The following ABLIM2 variants were observed in gnomAD, a reference collection of about 807,000 sequenced individuals.
ABLIM2 encodes actin binding LIM protein family member 2, also known as actin-binding LIM protein 2.
Under a neutral mutation model 97.7 loss-of-function variants are expected in ABLIM2, and 53 were observed. The observed-to-expected ratio is 0.54, with a 90% CI of 0.44 to 0.68. ABLIM2 has a LOEUF of 0.68. ABLIM2 is among the 30% of genes least tolerant of loss of function. ABLIM2 has a pLI of 0.00. For synonymous variants in ABLIM2, 361 were observed against 345.8 expected (o/e 1.04, Z -0.49); for missense variants, 835 against 867.2 (o/e 0.96, Z 0.47).
intron 4 of ABLIM2, among the ~76,000 whole-genome samples, chr4:8,084,895 T>C (rs1293858251): frequency 5.3e-5 from 8 of 152,214 alleles, no homozygotes; most frequent in Non-Finnish European, 1.2e-4. Context: ...GAGCTGCCTC[T>C]GGTTCGGCAC....
intron 2 of ABLIM2, among the ~76,000 whole-genome samples, chr4:8,098,812 T>G (rs1401945901): frequency 6.6e-6 from 1 of 152,224 alleles, no homozygotes; most frequent in East Asian, 1.9e-4. Flanking sequence ...ATGTGAGACC[T>G]GAGTCCTGCC....
At chr4:8,020,460 T>C (rs925770506) in intron 12 of ABLIM2, 157 bp from the exon 13 acceptor site, 8 of 728,756 alleles carry the variant, frequency 1.1e-5, no homozygotes, top group Admixed American at 4.0e-5. Flanking sequence ...GTGGGCCTCA[T>C]CCACGTTCCC....
chr4:8,001,478 G>A lies in ABLIM2; in HGVS notation c.1618+6581C>T, dbSNP rs1339440184. Reference sequence around the variant, plus strand: ...CAGAGCCCAGCATGCTCTGCCTGGGGCCACTGTCCTCGGGGTGGTGTATAC... The same window carrying A: ...CAGAGCCCAGCATGCTCTGCCTGGGACCACTGTCCTCGGGGTGGTGTATAC... On this transcript the variant is annotated intron_variant, in intron 16 of 20. Coordinates refer to ENST00000447017, the MANE Select transcript of ABLIM2 (RefSeq NM_001130083.2). The surrounding 1 kb of genome is among the most constrained non-coding windows in gnomAD (Gnocchi z 4.2). Among the ~76,000 whole-genome samples the A allele has an allele frequency of 6.6e-6, 1 of 152,118 alleles. No individual in the cohort carries two copies. The highest frequency in any genetic ancestry group is 1.5e-5 in the Non-Finnish European group (1 of 68,006).
In ABLIM2 at chr4:8,104,423, C is replaced by A. The variant is rs572252118; in HGVS notation, c.154+2071G>T. Among the ~76,000 whole-genome samples the A allele has an allele frequency of 4.3e-4, 65 of 152,316 alleles. 1 individual carries two copies. The highest frequency in any genetic ancestry group is 6.8e-3 in the Middle Eastern group (2 of 294). On this transcript the variant is annotated intron_variant, in intron 2 of 20. Transcript: ENST00000447017. ...CAGTGGTATTGGGGTACCTGGGATG[C>A]CAGGGTGCTATGGGGAGAATTCACT...
At position 8,032,655 on chromosome 4, in the gene ABLIM2, G is replaced by A. The variant is rs1314998419; in HGVS notation, c.1048-2879C>T. The stretch of plus-strand genomic sequence containing the variant: ...CGAGAGGGTGGTGGTTACCTCGGTC[G>A]GCGTTGGCGAGAGCAACTGAGGGGA... On this transcript the variant is annotated intron_variant, in intron 10 of 20. Transcript: ENST00000447017. The surrounding 1 kb of genome is among the most constrained non-coding windows in gnomAD (Gnocchi z 4.3). 11 of 1,612,556 alleles carry A rather than the reference G, an allele frequency of 6.8e-6. No homozygotes were observed. Among genetic ancestry groups the A allele is most frequent in the Middle Eastern group, 1.7e-4 (1 of 6,058 alleles).
intron 18 of ABLIM2, 111 bp downstream of exon 18, chr4:7,984,719 GCCCGGCACT>G: frequency 8.9e-7 from 1 of 1,128,308 alleles, no homozygotes. Flanking sequence ...AGGTGTCCCC[GCCCGGCACT>G]CCCGGAGCCT....
intron 13 of ABLIM2, 108 bp downstream of exon 13, chr4:8,020,094 G>T: frequency 1.0e-6 from 1 of 984,554 alleles, no homozygotes; most frequent in Non-Finnish European, 1.5e-6. Flanking sequence ...AGCCTGGAGT[G>T]TCGTCTGGCG....
At chr4:8,121,386 C>T (rs763057656) in intron 1 of ABLIM2, among the ~76,000 whole-genome samples, 6 of 152,250 alleles carry the variant, frequency 3.9e-5, no homozygotes, top group Non-Finnish European at 8.8e-5. Context: ...GTCGCTGGCC[C>T]AGGCGCCCCC....
intron 11 of ABLIM2, among the ~76,000 whole-genome samples, chr4:8,029,203 A>G (rs1237132288): frequency 6.6e-6 from 1 of 152,182 alleles, no homozygotes; most frequent in African/African-American, 2.4e-5. Flanking sequence ...CCACAGGTGA[A>G]ATGTTAATGG....
chr4:8,134,280 T>G (rs1849861717), intron 1 of ABLIM2, among the ~76,000 whole-genome samples: 1 of 152,024 alleles, frequency 6.6e-6, no homozygotes, highest in Non-Finnish European at 1.5e-5. Flanking sequence ...AGAGATGCAG[T>G]GAGAAAATCC....
At position 8,085,330 on chromosome 4, in the gene ABLIM2, C is replaced by T. The variant is rs558649627; in HGVS notation, c.454+2839G>A. ...TCTGGACTGACTTGACTCTACCCCA[C>T]TCCACAACCATCTATTGCTCCTCAC... On this transcript the variant is annotated intron_variant, in intron 4 of 20. Coordinates refer to ENST00000447017, the MANE Select transcript of ABLIM2 (RefSeq NM_001130083.2). This position sits in a 1 kb window ranked among gnomAD's most constrained non-coding sequence, Gnocchi z 6.1. Among the ~76,000 whole-genome samples the T allele has an allele frequency of 6.6e-6, 1 of 152,212 alleles. No homozygotes were observed. Among genetic ancestry groups the T allele is most frequent in the African/African-American group, 2.4e-5 (1 of 41,466 alleles).
chr4:8,110,810 CAT>C (rs1839967975), intron 1 of ABLIM2, among the ~76,000 whole-genome samples: 1 of 152,224 alleles, frequency 6.6e-6, no homozygotes, highest in Admixed American at 6.5e-5. Context: ...GGGAGATAGA[CAT>C]TGCGCCGTGG....
intron 20 of ABLIM2, among the ~76,000 whole-genome samples, chr4:7,979,071 T>G (rs1278852063): frequency 6.6e-6 from 1 of 152,258 alleles, no homozygotes; most frequent in Non-Finnish European, 1.5e-5. Flanking sequence ...TGGACCCACA[T>G]GCCAGCTTCC....
intron 3 of ABLIM2, among the ~76,000 whole-genome samples, chr4:8,089,388 A>T (rs1313432688): frequency 2.0e-5 from 3 of 152,158 alleles, no homozygotes; most frequent in Non-Finnish European, 4.4e-5. Context: ...CCAGAGAACC[A>T]GGTGCTTTTC....
Position 8,022,797 on chromosome 4 carries a change from G to C in ABLIM2, c.1268-2494C>G, listed in dbSNP as rs1263741526. ...CTGTGCTGCTAGGCTCACATCCCAG[G>C]GGGCTTCTGATATGCTACAGACGGG... On this transcript the variant is annotated intron_variant, in intron 12 of 20. Coordinates refer to ENST00000447017, the MANE Select transcript of ABLIM2 (RefSeq NM_001130083.2). The surrounding 1 kb of genome is among the most constrained non-coding windows in gnomAD (Gnocchi z 7.8). The C allele has an allele frequency of 6.6e-6, 1 of 152,324 alleles. No individual in the cohort carries two copies. Among genetic ancestry groups the C allele is most frequent in the Admixed American group, 6.5e-5 (1 of 15,282 alleles). 9.4% of individuals were successfully genotyped at this position (152,324 alleles called of 1,614,324 possible).
At chr4:7,997,904 G>A (rs896153421) in intron 16 of ABLIM2, among the ~76,000 whole-genome samples, 2 of 147,808 alleles carry the variant, frequency 1.4e-5, no homozygotes, top group African/African-American at 5.0e-5. Context: ...TTTTTGAGAT[G>A]GAGTTTCACT....
intron 3 of ABLIM2, among the ~76,000 whole-genome samples, chr4:8,091,319 TTA>T (rs1278853015): frequency 2.0e-4 from 8 of 40,816 alleles, no homozygotes; most frequent in Admixed American, 4.4e-4. Flanking sequence ...ATATATATAA[TTA>T]TATATATATT....
intron 10 of ABLIM2, among the ~76,000 whole-genome samples, chr4:8,030,103 C>T (rs919158011): frequency 3.3e-5 from 5 of 152,178 alleles, no homozygotes; most frequent in East Asian, 1.9e-4. Context: ...GCCTGACCCT[C>T]GCCAGCGCCC....
At chr4:8,080,335 T>C (rs1818970000) in intron 5 of ABLIM2, among the ~76,000 whole-genome samples, 2 of 151,920 alleles carry the variant, frequency 1.3e-5, no homozygotes, top group South Asian at 4.2e-4. Context: ...GCTGATCCCA[T>C]GGGGATGGTG....
Sources: gnomAD v4.1 joint callset for allele counts (sites outside exome capture counted in the v4.1 genomes callset) on GRCh38, gnomAD v4.1.1 for gene constraint, Gnocchi (gnomAD v3.1) non-coding constraint, MANE v1.5 for transcripts, NCBI Gene and HGNC (gene_info 2026-07-23, HGNC 2026-07-21) for gene names.